The following ADD1 variants were observed in gnomAD, a reference collection of about 807,000 sequenced individuals.
ADD1 encodes alpha-adducin.
A neutral mutation model predicts 80.5 loss-of-function variants in ADD1; 24 were observed. The ratio of observed to expected loss-of-function variants is 0.30; its 90% confidence interval spans 0.22 to 0.42. The LOEUF is 0.42. Among genes scored for constraint, ADD1 ranks in the 10% least tolerant of loss-of-function variants. The pLI is 1.00. For missense variants in ADD1, 948 were observed against 1,019.0 expected (o/e 0.93, Z 0.95); for synonymous variants, 373 against 393.8 (o/e 0.95, Z 0.63).
chr4:2,890,625 G>C (rs1734151171), intron 4 of ADD1, among the ~76,000 whole-genome samples: 1 of 151,986 alleles, frequency 6.6e-6, no homozygotes, highest in East Asian at 1.9e-4. Context: ...AGCCAGGATG[G>C]TCTCCATCTC....
At chr4:2,879,653 C>T (rs1254778917) in intron 2 of ADD1, among the ~76,000 whole-genome samples, 1 of 151,920 alleles carries the variant, frequency 6.6e-6, no homozygotes, top group African/African-American at 2.4e-5. Flanking sequence ...GATGGAGTCT[C>T]ACTCTGTCGC....
At chr4:2,852,281 CTTTT>C (rs760087137) in intron 1 of ADD1, among the ~76,000 whole-genome samples, 51 of 67,474 alleles carry the variant, frequency 7.6e-4, no homozygotes, top group African/African-American at 2.6e-3. Context: ...TTCCTTCCTT[CTTTT>C]CTTTTCTTTT....
intron 1 of ADD1, among the ~76,000 whole-genome samples, chr4:2,852,835 G>A (rs775147654): frequency 1.2e-4 from 18 of 151,720 alleles, no homozygotes; most frequent in African/African-American, 2.4e-5. Flanking sequence ...GAGCAGCTGG[G>A]CCTGCAGACC....
At chr4:2,903,540 G>GAA (rs1390334418) in intron 9 of ADD1, among the ~76,000 whole-genome samples, 1 of 152,196 alleles carries the variant, frequency 6.6e-6, no homozygotes, top group Non-Finnish European at 1.5e-5. Context: ...ACTGGGGACA[G>GAA]AATTCCTTTT....
intron 10 of ADD1, among the ~76,000 whole-genome samples, chr4:2,905,976 G>A (rs1736985838): frequency 2.2e-4 from 33 of 152,168 alleles, no homozygotes; most frequent in Admixed American, 2.2e-3. Flanking sequence ...CTGGAATGGA[G>A]GAGACAGGGG....
intron 1 of ADD1, among the ~76,000 whole-genome samples, chr4:2,852,082 C>T (rs1241776380): frequency 3.9e-5 from 6 of 151,994 alleles, no homozygotes; most frequent in South Asian, 2.1e-4. Flanking sequence ...GTGATCTGCC[C>T]GCCTCAGCCT....
At chr4:2,898,606 A>G (rs1735657767) in intron 8 of ADD1, 75 bp downstream of exon 8, 1 of 1,293,812 alleles carries the variant, frequency 7.7e-7, no homozygotes, top group Non-Finnish European at 1.1e-6. Flanking sequence ...TTTTTTTGAT[A>G]CTTATCGAGT....
chr4:2,880,901 TG>T, intron 2 of ADD1, among the ~76,000 whole-genome samples: 1 of 152,180 alleles, frequency 6.6e-6, no homozygotes, highest in South Asian at 2.1e-4. Flanking sequence ...CACTTTTTTT[TG>T]CCTGATTTAG....
chr4:2,880,463 CTTTTTTTTTTTTTTTTTT>C (rs1167878841), intron 2 of ADD1, among the ~76,000 whole-genome samples: 12 of 63,162 alleles, frequency 1.9e-4, no homozygotes, highest in Non-Finnish European at 2.9e-4. Context: ...TTCTTTCTTT[CTTTTTTTTTTTTTTTTTT>C]TTTTTTTTTT....
chr4:2,914,840 A>G (rs922544205), intron 13 of ADD1, 44 bp from the exon 14 acceptor site: 1 of 1,545,266 alleles, frequency 6.5e-7, no homozygotes, highest in Non-Finnish European at 8.7e-7. Flanking sequence ...GAGAGTCCCC[A>G]TCGGGCCGGG....
chr4:2,901,066 G>A (rs1338226010), intron 9 of ADD1: 3 of 152,866 alleles, frequency 2.0e-5, no homozygotes, highest in Non-Finnish European at 4.4e-5. Flanking sequence ...CATGAAGAAG[G>A]CTGAAGAAGC....
At chr4:2,875,135 G>A (rs1453329751) in intron 1 of ADD1, among the ~76,000 whole-genome samples, 5 of 152,056 alleles carry the variant, frequency 3.3e-5, no homozygotes, top group Admixed American at 3.3e-4. Flanking sequence ...AGGCTTAGGT[G>A]GAAGGATCAC....
intron 11 of ADD1, 145 bp downstream of exon 11, chr4:2,907,989 G>A (rs1229433693): frequency 1.6e-5 from 11 of 669,854 alleles, no homozygotes; most frequent in Middle Eastern, 8.1e-4. Context: ...TCTTCACACC[G>A]CTGCTGTTCT....
chr4:2,878,469 C>G (rs1731711765), intron 2 of ADD1, among the ~76,000 whole-genome samples: 1 of 151,950 alleles, frequency 6.6e-6, no homozygotes, highest in South Asian at 2.1e-4. Context: ...GAGCAGTTTA[C>G]TTACGTAAAA....
intron 6 of ADD1, among the ~76,000 whole-genome samples, chr4:2,895,840 T>C (rs1170043749): frequency 6.6e-6 from 1 of 152,164 alleles, no homozygotes; most frequent in Non-Finnish European, 1.5e-5. Context: ...TATAAGGACT[T>C]TTGGGGTTTA....
chr4:2,925,536 G>A (rs927371770), intron 14 of ADD1, among the ~76,000 whole-genome samples: 9 of 152,120 alleles, frequency 5.9e-5, no homozygotes, highest in Admixed American at 3.9e-4. Flanking sequence ...GTAAAAATAC[G>A]TATTACAGTT....
intron 1 of ADD1, among the ~76,000 whole-genome samples, chr4:2,847,837 T>C (rs536127659): frequency 5.9e-4 from 90 of 152,252 alleles, no homozygotes; most frequent in African/African-American, 2.1e-3. Context: ...ATGGTTGCCT[T>C]CTTTTGAGTT....
intron 1 of ADD1, among the ~76,000 whole-genome samples, chr4:2,853,423 A>C (rs904734965): frequency 6.6e-6 from 1 of 152,076 alleles, no homozygotes; most frequent in African/African-American, 2.4e-5. Context: ...ATAAGTGTTT[A>C]AGGCTATATA....
intron 12 of ADD1, 104 bp downstream of exon 12, chr4:2,908,708 C>G: frequency 2.1e-6 from 2 of 952,416 alleles, no homozygotes; most frequent in Non-Finnish European, 3.3e-6. Context: ...GGTAAGTATT[C>G]TAGGCAACCA....
Sources: allele counts gnomAD v4.1 joint callset (sites outside exome capture counted in the v4.1 genomes callset), GRCh38; gene constraint gnomAD v4.1.1; transcripts MANE v1.5; gene names NCBI Gene and HGNC (gene_info 2026-07-23, HGNC 2026-07-21).